The following ZCCHC17 variants were observed in gnomAD, a reference collection of about 807,000 sequenced individuals.
ZCCHC17 encodes zinc finger CCHC-type containing 17.
Under a neutral mutation model 30.6 loss-of-function variants are expected in ZCCHC17, and 18 were observed. The ratio of observed to expected loss-of-function variants is 0.59; its 90% CI spans 0.41 to 0.87. The LOEUF is 0.87. Among genes scored for constraint, ZCCHC17 ranks in the 40% least tolerant of loss-of-function variants. ZCCHC17 has a pLI of 0.00. For synonymous variants in ZCCHC17, 88 were observed against 92.4 expected (o/e 0.95, Z 0.27); for missense variants, 263 against 284.2 (o/e 0.93, Z 0.54).
chr1:31,353,671 G>A (rs1639546517), intron 7 of ZCCHC17, among the ~76,000 whole-genome samples: 1 of 152,094 alleles, frequency 6.6e-6, no homozygotes, highest in Admixed American at 6.5e-5. Context: ...TGTATATGGT[G>A]TACAGAAAGG....
intron 3 of ZCCHC17, among the ~76,000 whole-genome samples, chr1:31,328,495 A>C (rs908368759): frequency 2.0e-5 from 3 of 152,084 alleles, no homozygotes; most frequent in Non-Finnish European, 2.9e-5. Context: ...GTGACAGAAC[A>C]AGACCCTGTC....
intron 7 of ZCCHC17, among the ~76,000 whole-genome samples, chr1:31,356,588 C>T (rs1017494055): frequency 6.6e-6 from 1 of 152,198 alleles, no homozygotes; most frequent in Non-Finnish European, 1.5e-5. Flanking sequence ...GGTGTCTTCA[C>T]TCAGTGAAAC....
chr1:31,329,075 G>A (rs915739167), intron 3 of ZCCHC17, among the ~76,000 whole-genome samples: 13 of 152,036 alleles, frequency 8.6e-5, no homozygotes, highest in Admixed American at 2.0e-4. Flanking sequence ...GGCTATCTAG[G>A]GATCCCACTC....
At chr1:31,333,215 A>G (rs951575424) in intron 3 of ZCCHC17, 2 of 152,164 alleles carry the variant, frequency 1.3e-5, no homozygotes, top group African/African-American at 4.8e-5. Flanking sequence ...TAAGTACAAT[A>G]AAATAATAAA....
At chr1:31,317,968 T>G (rs1420302625) in intron 2 of ZCCHC17, among the ~76,000 whole-genome samples, 2 of 152,250 alleles carry the variant, frequency 1.3e-5, no homozygotes, top group Non-Finnish European at 2.9e-5. Flanking sequence ...TATTTAGCTT[T>G]GGACCTCCGA....
intron 1 of ZCCHC17, among the ~76,000 whole-genome samples, chr1:31,308,358 G>A (rs752043158): frequency 6.6e-6 from 1 of 152,198 alleles, no homozygotes; most frequent in South Asian, 2.1e-4. Context: ...CAAGGGTTTG[G>A]ATGTCCTGAA....
At chr1:31,305,812 G>A (rs559970259) in intron 1 of ZCCHC17, among the ~76,000 whole-genome samples, 1 of 152,008 alleles carries the variant, frequency 6.6e-6, no homozygotes, top group African/African-American at 2.4e-5. Flanking sequence ...TAGAACCCTC[G>A]GTTTCTACAG....
intron 3 of ZCCHC17, among the ~76,000 whole-genome samples, chr1:31,324,901 A>C (rs1638274429): frequency 6.6e-6 from 1 of 151,978 alleles, no homozygotes; most frequent in Admixed American, 6.5e-5. Context: ...GATGGCCTAA[A>C]GCATAGGGGC....
chr1:31,351,928 C>T (rs1316589916), intron 7 of ZCCHC17, among the ~76,000 whole-genome samples: 1 of 152,134 alleles, frequency 6.6e-6, no homozygotes, highest in East Asian at 1.9e-4. Flanking sequence ...GTATTTTATC[C>T]AAATCTGCAT....
intron 3 of ZCCHC17, among the ~76,000 whole-genome samples, chr1:31,330,857 A>G (rs1322513703): frequency 6.6e-6 from 1 of 152,220 alleles, no homozygotes; most frequent in Non-Finnish European, 1.5e-5. Flanking sequence ...CCTCTACTGC[A>G]TACACGTCAT....
chr1:31,308,970 A>C (rs1646533073), intron 1 of ZCCHC17, among the ~76,000 whole-genome samples: 1 of 152,242 alleles, frequency 6.6e-6, no homozygotes, highest in African/African-American at 2.4e-5. Context: ...TTAAAAAACC[A>C]CTTCTACATA....
chr1:31,329,420 A>G (rs1400228274), intron 3 of ZCCHC17, among the ~76,000 whole-genome samples: 1 of 152,166 alleles, frequency 6.6e-6, no homozygotes, highest in Non-Finnish European at 1.5e-5. Flanking sequence ...CAGATTTTTC[A>G]ACATTATACT....
chr1:31,346,580 T>G (rs1038748574), intron 5 of ZCCHC17, 60 bp from the exon 6 acceptor site: 10 of 1,511,268 alleles, frequency 6.6e-6, no homozygotes, highest in Admixed American at 2.1e-5. Flanking sequence ...AACCTTACCT[T>G]GTAGTATCTC....
At chr1:31,301,673 C>T (rs1646315584) in intron 1 of ZCCHC17, among the ~76,000 whole-genome samples, 1 of 152,176 alleles carries the variant, frequency 6.6e-6, no homozygotes, top group African/African-American at 2.4e-5. Context: ...TAACTGTGAG[C>T]AGCCTTTGTC....
intron 2 of ZCCHC17, among the ~76,000 whole-genome samples, chr1:31,316,308 G>A (rs539458156): frequency 6.6e-6 from 1 of 152,210 alleles, no homozygotes; most frequent in African/African-American, 2.4e-5. Flanking sequence ...CACCATGTTG[G>A]CCAGGCTGGT....
At position 31,305,272 on chromosome 1, in the gene ZCCHC17, C is replaced by T. The variant is rs1461615616; in HGVS notation, c.-55-4772C>T. 3.4e-5 allele frequency among the ~76,000 whole-genome samples: 5 copies of T among 146,510 alleles called. No individual in the cohort carries two copies. The East Asian group carries it at 7.9e-4, about 23-fold the overall frequency. On this transcript the variant is annotated intron_variant, in intron 1 of 7. Coordinates refer to ENST00000344147, the MANE Select transcript of ZCCHC17 (RefSeq NM_016505.4). ...GGTGACCTAGATATTTCAGAGTTGACTTTTTTTTTTTAATTTCTTTTTTTT... is the reference window on the plus strand; with the variant it reads ...GGTGACCTAGATATTTCAGAGTTGATTTTTTTTTTTTAATTTCTTTTTTTT...
intron 7 of ZCCHC17, among the ~76,000 whole-genome samples, chr1:31,351,507 G>A (rs1639469395): frequency 6.6e-6 from 1 of 151,288 alleles, no homozygotes; most frequent in Non-Finnish European, 1.5e-5. Context: ...AATCCCAGCT[G>A]AGGCTGGAGG....
rs1304724651 is a variant in ZCCHC17, at chr1:31,348,658, T to C, written c.419-171T>C. Among the ~76,000 whole-genome samples, 5 of 152,200 alleles carry C rather than the reference T, an allele frequency of 3.3e-5. No individual in the cohort carries two copies. The East Asian group carries it at 9.6e-4, about 29-fold the overall frequency. On this transcript the variant is annotated intron_variant, in intron 6 of 7. Transcript: ENST00000344147. ...AGTCTGGCTGTGGTTGAGTGAGCAG[T>C]GTCATGTTGAGGTGGTAGAAAATCT...
intron 3 of ZCCHC17, among the ~76,000 whole-genome samples, chr1:31,332,165 T>C (rs11802155): frequency 0.54 from 82,574 of 151,974 alleles, 23,336 homozygotes; most frequent in Non-Finnish European, 0.62. Context: ...TGTGTCTCTC[T>C]CTGAACCAGT....
Sources: gnomAD v4.1 joint callset for allele counts (sites outside exome capture counted in the v4.1 genomes callset) on GRCh38, gnomAD v4.1.1 for gene constraint, MANE v1.5 for transcripts, NCBI Gene and HGNC (gene_info 2026-07-23, HGNC 2026-07-21) for gene names.